The following PDE11A variants were observed in gnomAD, a reference collection of about 807,000 sequenced individuals.
The protein encoded by PDE11A is dual 3',5'-cyclic-AMP and -GMP phosphodiesterase 11A.
PDE11A carries 100 observed loss-of-function variants against 100.5 expected under a neutral mutation model. The observed-to-expected ratio is 1.00, with a 90% CI of 0.85 to 1.18. The LOEUF (loss-of-function observed/expected upper bound fraction) is 1.18, where lower values mean the gene tolerates loss of function less well. Among genes scored for constraint, PDE11A ranks in the 50% most tolerant of loss-of-function variants. The pLI, the probability that PDE11A is intolerant of heterozygous loss-of-function variation, is 0.00. For missense variants in PDE11A, 1,141 were observed against 1,152.6 expected (o/e 0.99, Z 0.15); for synonymous variants, 381 against 420.8 (o/e 0.91, Z 1.16).
chr2:178,000,531 C>A (rs1276141141), intron 2 of PDE11A, among the ~76,000 whole-genome samples: 1 of 152,214 alleles, frequency 6.6e-6, no homozygotes, highest in Non-Finnish European at 1.5e-5. Flanking sequence ...GACTAATCCT[C>A]ACCTTCTTTT....
At chr2:177,939,305 A>G (rs1261601340) in intron 2 of PDE11A, among the ~76,000 whole-genome samples, 1 of 151,684 alleles carries the variant, frequency 6.6e-6, no homozygotes, top group Non-Finnish European at 1.5e-5. Flanking sequence ...TATTACCAAA[A>G]GAAGAAAGGA....
At chr2:177,829,282 C>G (rs2083273243) in intron 6 of PDE11A, among the ~76,000 whole-genome samples, 1 of 151,850 alleles carries the variant, frequency 6.6e-6, no homozygotes, top group Admixed American at 6.6e-5. Context: ...TATGTATATA[C>G]CCACATATAT....
chr2:177,868,487 T>A (rs2084068289), intron 5 of PDE11A, among the ~76,000 whole-genome samples: 1 of 152,218 alleles, frequency 6.6e-6, no homozygotes, highest in South Asian at 2.1e-4. Context: ...AATATTTTAA[T>A]CTTATTTTAA....
At chr2:177,940,337 GT>G (rs752754914) in intron 2 of PDE11A, among the ~76,000 whole-genome samples, 1 of 152,060 alleles carries the variant, frequency 6.6e-6, no homozygotes, top group African/African-American at 2.4e-5. Context: ...GTTGGGTTAT[GT>G]TTTTTTGAAG....
intron 9 of PDE11A, among the ~76,000 whole-genome samples, chr2:177,770,822 CAT>C (rs2082301393): frequency 6.6e-6 from 1 of 152,132 alleles, no homozygotes; most frequent in Admixed American, 6.5e-5. Context: ...CTGCCAGACA[CAT>C]GTTTGTTGTG....
chr2:178,028,389 TG>T (rs2086505424), intron 1 of PDE11A, among the ~76,000 whole-genome samples: 1 of 151,418 alleles, frequency 6.6e-6, no homozygotes. Flanking sequence ...TGTCAACCTG[TG>T]GGGGGAAGTC....
At chr2:177,742,494 C>G (rs1467420667) in intron 10 of PDE11A, among the ~76,000 whole-genome samples, 1 of 152,268 alleles carries the variant, frequency 6.6e-6, no homozygotes, top group South Asian at 2.1e-4. Flanking sequence ...TGCTCTCCAT[C>G]GAAGTTGCTG....
intron 1 of PDE11A, among the ~76,000 whole-genome samples, chr2:178,043,746 C>T (rs1298319387): frequency 1.3e-5 from 2 of 152,066 alleles, no homozygotes; most frequent in South Asian, 2.1e-4. Context: ...ATCACAACAA[C>T]CATGCAAAGT....
chr2:177,921,363 C>T (rs1406728763), intron 2 of PDE11A, among the ~76,000 whole-genome samples: 1 of 150,772 alleles, frequency 6.6e-6, no homozygotes, highest in East Asian at 1.9e-4. Context: ...ATAATACATA[C>T]AACTTTACCC....
chr2:177,895,172 T>G (rs150771495), intron 4 of PDE11A, among the ~76,000 whole-genome samples: 15 of 151,042 alleles, frequency 9.9e-5, no homozygotes, highest in African/African-American at 3.7e-4. Flanking sequence ...TTTTTGGAGG[T>G]GCTCTGAGGG....
chr2:177,997,424 T>C, intron 2 of PDE11A: 1 of 828,352 alleles, frequency 1.2e-6, no homozygotes, highest in East Asian at 2.4e-5. Context: ...CTCAACCTTT[T>C]ATACAGGTTT....
At chr2:178,086,043 TG>T (rs1335303204) in intron 2 of PDE11A, among the ~76,000 whole-genome samples, 1 of 152,210 alleles carries the variant, frequency 6.6e-6, no homozygotes, top group Non-Finnish European at 1.5e-5. Context: ...TCACTCTGTC[TG>T]GGCTCAGCTG....
intron 18 of PDE11A, among the ~76,000 whole-genome samples, chr2:177,667,131 C>G (rs2080600547): frequency 6.6e-6 from 1 of 152,032 alleles, no homozygotes; most frequent in African/African-American, 2.4e-5. Context: ...CCAGGCTGGT[C>G]TCGAACTCCT....
At chr2:177,792,497 T>C (rs867709759) in intron 9 of PDE11A, among the ~76,000 whole-genome samples, 1 of 152,120 alleles carries the variant, frequency 6.6e-6, no homozygotes, top group Non-Finnish European at 1.5e-5. Flanking sequence ...CCATTATGCT[T>C]TGAGAGAGAG....
chr2:178,004,167 G>C (rs938279633), intron 2 of PDE11A, among the ~76,000 whole-genome samples: 1 of 152,092 alleles, frequency 6.6e-6, no homozygotes, highest in South Asian at 2.1e-4. Context: ...TATTATCTCT[G>C]AAAGTTAGGA....
intron 10 of PDE11A, among the ~76,000 whole-genome samples, chr2:177,730,322 C>T (rs537438435): frequency 2.0e-5 from 3 of 152,224 alleles, no homozygotes; most frequent in East Asian, 1.9e-4. Flanking sequence ...TGAGAACATG[C>T]GGTGTTTGGT....
chr2:177,682,579 G>A (rs977900990), intron 15 of PDE11A, among the ~76,000 whole-genome samples: 7 of 152,176 alleles, frequency 4.6e-5, no homozygotes, highest in Non-Finnish European at 7.3e-5. Context: ...GAAAAAAAGA[G>A]GACATCACCA....
At position 177,823,251 on chromosome 2, in the gene PDE11A, G is replaced by A. The variant is rs556399988; in HGVS notation, c.1501-2956C>T. The stretch of plus-strand genomic sequence containing the variant: ...GAGGATAGAAAAATGGATTCAAATA[G>A]TCATTACCCTTGAGCTACTCACAGT... On this transcript the variant is annotated intron_variant, in intron 6 of 19. Transcript: ENST00000286063. Among the ~76,000 whole-genome samples the A allele has an allele frequency of 1.1e-3, 168 of 152,238 alleles. 1 individual carries two copies. Among genetic ancestry groups the A allele is most frequent in the African/African-American group, 4.0e-3 (168 of 41,544 alleles).
At chr2:177,680,243 G>T in intron 16 of PDE11A, among the ~76,000 whole-genome samples, 1 of 152,114 alleles carries the variant, frequency 6.6e-6, no homozygotes. Flanking sequence ...AGAGTAGAAG[G>T]ATGGGGTATG....
Sources: allele counts gnomAD v4.1 joint callset (sites outside exome capture counted in the v4.1 genomes callset), GRCh38; gene constraint gnomAD v4.1.1; transcripts MANE v1.5; gene names NCBI Gene and HGNC (gene_info 2026-07-23, HGNC 2026-07-21).